Variants in DCDC2 observed in about 807,000 individuals in gnomAD.
The protein encoded by DCDC2 is doublecortin domain containing 2, also known as doublecortin domain-containing protein 2.
A neutral mutation model predicts 50.2 loss-of-function variants in DCDC2; 40 were observed. The ratio of observed to expected loss-of-function variants is 0.80; its 90% confidence interval spans 0.62 to 1.04. The LOEUF is 1.04. Ranked by LOEUF, DCDC2 falls within the 50% of genes least tolerant of loss-of-function variation. The probability of loss-of-function intolerance (pLI) is 0.00; values close to 1 mark genes in which losing one functional copy is unlikely to be tolerated. For synonymous variants in DCDC2, 234 were observed against 210.6 expected (o/e 1.11, Z -0.96); for missense variants, 570 against 581.9 (o/e 0.98, Z 0.21).
At chr6:24,341,469 A>T (rs35830445) in intron 2 of DCDC2, among the ~76,000 whole-genome samples, 10,994 of 151,906 alleles carry the variant, frequency 0.072, 402 homozygotes, top group African/African-American at 0.096. Context: ...TACTGCCTGC[A>T]TATTTCCTGC....
chr6:24,358,899 A>AAT (rs1760554364), upstream of DCDC2, among the ~76,000 whole-genome samples: 1 of 21,498 alleles, frequency 4.7e-5, no homozygotes, highest in Non-Finnish European at 7.3e-5. Flanking sequence ...TTATATATAT[A>AAT]ATATATTATA....
intron 7 of DCDC2, among the ~76,000 whole-genome samples, chr6:24,216,262 C>T (rs1761973192): frequency 6.7e-6 from 1 of 149,504 alleles, no homozygotes; most frequent in South Asian, 2.1e-4. Context: ...TTCTAGGAAA[C>T]AACATTTAAG....
At chr6:24,351,759 C>T (rs1254483378) in intron 2 of DCDC2, among the ~76,000 whole-genome samples, 3 of 152,102 alleles carry the variant, frequency 2.0e-5, no homozygotes, top group African/African-American at 7.2e-5. Flanking sequence ...AGTGGAAGAA[C>T]AATAAGCAAA....
chr6:24,188,853 C>A (rs1398415247), intron 8 of DCDC2, among the ~76,000 whole-genome samples: 6 of 152,064 alleles, frequency 3.9e-5, no homozygotes, highest in African/African-American at 1.4e-4. Context: ...TCGCAGAAGT[C>A]ATTTAAACCT....
In DCDC2 at chr6:24,205,035, A is replaced by G; in HGVS notation, c.990T>C (p.Asp330=). Residue 330 remains aspartate (D), a synonymous_variant, in exon 8 of 10, where the codon GAT becomes GAC. Coordinates refer to ENST00000378454, the MANE Select transcript of DCDC2 (RefSeq NM_016356.5). ...CTGGAACCTCAACCTGAGTATCTTC[A>G]TCTTCTTGGACTTCTGCTGCCCCCC... The part of the protein sequence containing the change: ...ETRGAAEVQE[D]EDTQVEVPVD... 2 of 1,614,046 alleles carry G rather than the reference A, an allele frequency of 1.2e-6. No homozygotes were observed. Among genetic ancestry groups the G allele is most frequent in the Non-Finnish European group, 1.7e-6 (2 of 1,179,982 alleles).
rs1760831858 is a variant in DCDC2 at position 24,173,449 on chromosome 6, T to TA, written c.*1280_*1281insT. 2.0e-5 allele frequency: 3 copies of TA among 152,136 alleles called. No individual in the cohort carries two copies. The highest frequency in any genetic ancestry group is 7.2e-5 in the African/African-American group (3 of 41,452). The allele number at this position is 152,136 out of a possible 1,614,324, so 9.4% of individuals were successfully genotyped here. On this transcript the variant is annotated 3_prime_UTR_variant, in exon 10 of 10. Coordinates refer to ENST00000378454, the MANE Select transcript of DCDC2 (RefSeq NM_016356.5). ...CTTCCACATAATTAAAAATATATCC[T>TA]TTAAGAAAAATATATTATTTCTATA... is the stretch of plus-strand genomic sequence containing the variant.
At chr6:24,251,149 C>T (rs188637855) in intron 7 of DCDC2, among the ~76,000 whole-genome samples, 36 of 152,276 alleles carry the variant, frequency 2.4e-4, no homozygotes, top group Middle Eastern at 3.4e-3. Context: ...TTATTAATCT[C>T]CAATAGCACT....
At chr6:24,202,037 G>A (rs923747280) in intron 8 of DCDC2, among the ~76,000 whole-genome samples, 2 of 151,626 alleles carry the variant, frequency 1.3e-5, no homozygotes, top group East Asian at 3.9e-4. Context: ...CAGATTCACA[G>A]CTGAATTCTA....
intron 4 of DCDC2, among the ~76,000 whole-genome samples, chr6:24,299,684 C>A (rs758179474): frequency 1.3e-5 from 2 of 152,000 alleles, no homozygotes; most frequent in African/African-American, 4.8e-5. Context: ...GAGGCCAAGG[C>A]GGGTGGATTG....
At chr6:24,181,914 T>C (rs1336571129) in intron 8 of DCDC2, among the ~76,000 whole-genome samples, 1 of 152,180 alleles carries the variant, frequency 6.6e-6, no homozygotes, top group Non-Finnish European at 1.5e-5. Flanking sequence ...TTTCAAAGCT[T>C]ACTGCAAAGC....
intron 2 of DCDC2, among the ~76,000 whole-genome samples, chr6:24,344,824 T>G (rs2127250878): frequency 6.6e-6 from 1 of 152,338 alleles, no homozygotes; most frequent in South Asian, 2.1e-4. Context: ...GGTAAGGTCA[T>G]GAATACTTGG....
chr6:24,238,001 G>A (rs139000996), intron 7 of DCDC2, among the ~76,000 whole-genome samples: 2 of 147,498 alleles, frequency 1.4e-5, no homozygotes, highest in East Asian at 2.0e-4. Context: ...TGGTTCAGAT[G>A]TACCCCAAAC....
intron 8 of DCDC2, among the ~76,000 whole-genome samples, chr6:24,178,969 C>A (rs1236075256): frequency 1.3e-5 from 2 of 152,030 alleles, no homozygotes; most frequent in African/African-American, 4.8e-5. Flanking sequence ...TTGTAACCCC[C>A]ATGGCAGATA....
intron 7 of DCDC2, among the ~76,000 whole-genome samples, chr6:24,277,362 C>T (rs1017311749): frequency 6.6e-6 from 1 of 152,118 alleles, no homozygotes; most frequent in South Asian, 2.1e-4. Flanking sequence ...CCCACCCCAG[C>T]GTCACTCCAC....
At chr6:24,213,299 G>A (rs72828979) in intron 7 of DCDC2, among the ~76,000 whole-genome samples, 1,743 of 152,096 alleles carry the variant, frequency 0.011, 14 homozygotes, top group Non-Finnish European at 0.018. Context: ...CTTTTACTAC[G>A]ATTTATCACT....
chr6:24,260,549 A>G (rs1285871502), intron 7 of DCDC2, among the ~76,000 whole-genome samples: 1 of 152,236 alleles, frequency 6.6e-6, no homozygotes, highest in African/African-American at 2.4e-5. Context: ...CTAAAAATTA[A>G]ACAGGCAGCT....
intron 7 of DCDC2, among the ~76,000 whole-genome samples, chr6:24,274,986 T>C (rs569120091): frequency 1.3e-5 from 2 of 152,260 alleles, no homozygotes; most frequent in South Asian, 2.1e-4. Flanking sequence ...TTAAAATACA[T>C]TGTAAGTAGA....
chr6:24,267,328 T>C (rs1190263779), intron 7 of DCDC2, among the ~76,000 whole-genome samples: 1 of 152,108 alleles, frequency 6.6e-6, no homozygotes, highest in Non-Finnish European at 1.5e-5. Context: ...CAAAAAGAAA[T>C]GATAAATGCT....
At chr6:24,249,093 T>C (rs1233930053) in intron 7 of DCDC2, among the ~76,000 whole-genome samples, 1 of 152,170 alleles carries the variant, frequency 6.6e-6, no homozygotes, top group African/African-American at 2.4e-5. Context: ...ATTTAATATA[T>C]TAAAACTCTT....
Sources: gnomAD v4.1 joint callset for allele counts (sites outside exome capture counted in the v4.1 genomes callset) on GRCh38, gnomAD v4.1.1 for gene constraint, MANE v1.5 for transcripts, NCBI Gene and HGNC (gene_info 2026-07-23, HGNC 2026-07-21) for gene names.